RSPO2: variants seen among roughly 807,000 people sequenced by gnomAD.
The protein encoded by RSPO2 is R-spondin-2.
Under a neutral mutation model 30.9 loss-of-function variants are expected in RSPO2, and 14 were observed. The ratio of observed to expected loss-of-function variants is 0.45; its 90% CI spans 0.30 to 0.71. The LOEUF (loss-of-function observed/expected upper bound fraction) is 0.71. Ranked by LOEUF, RSPO2 falls within the 30% of genes least tolerant of loss-of-function variation. RSPO2 has a pLI of 0.08. For synonymous variants in RSPO2, 107 were observed against 96.4 expected, an observed-to-expected ratio of 1.11 and a Z score of -0.64; for missense variants, 264 against 301.9, an observed-to-expected ratio of 0.87 and a Z score of 0.93.
Position 107,998,079 on chromosome 8 carries a change from G to C in RSPO2, c.95-8835C>G, listed in dbSNP as rs190932963. ...ACTCTGTATTTGCTGGTCAAATAAT[G>C]TTGCAAGTTCAACAAATTTTTAAAT... is the stretch of plus-strand genomic sequence containing the variant. On this transcript the variant is annotated intron_variant, in intron 2 of 5. Coordinates refer to ENST00000276659, the MANE Select transcript of RSPO2 (RefSeq NM_178565.5). 1.3e-3 allele frequency among the ~76,000 whole-genome samples: 192 copies of C among 152,208 alleles called. 1 individual carries two copies. Among genetic ancestry groups the C allele is most frequent in the African/African-American group, 4.5e-3 (188 of 41,544 alleles).
intron 5 of RSPO2, among the ~76,000 whole-genome samples, chr8:107,901,706 G>A (rs887607773): frequency 6.6e-6 from 1 of 152,116 alleles, no homozygotes; most frequent in African/African-American, 2.4e-5. Context: ...TGACATATGT[G>A]CAATCCTTTA....
At chr8:108,064,248 A>G (rs2130710915) in intron 2 of RSPO2, among the ~76,000 whole-genome samples, 1 of 152,316 alleles carries the variant, frequency 6.6e-6, no homozygotes, top group Non-Finnish European at 1.5e-5. Flanking sequence ...CAGGCAACCT[A>G]CAGAATGGGA....
chr8:107,988,817 G>A (rs1255635753), intron 3 of RSPO2, among the ~76,000 whole-genome samples: 1 of 151,982 alleles, frequency 6.6e-6, no homozygotes, highest in Non-Finnish European at 1.5e-5. Flanking sequence ...TAGTAGAGAT[G>A]GGGTTTCCTC....
chr8:107,940,496 C>A (rs1425995187), intron 5 of RSPO2, among the ~76,000 whole-genome samples: 1 of 152,106 alleles, frequency 6.6e-6, no homozygotes, highest in Non-Finnish European at 1.5e-5. Context: ...GTTTAGGAGT[C>A]CCAAGAGATG....
At chr8:107,985,422 C>A (rs1563550984) in intron 3 of RSPO2, among the ~76,000 whole-genome samples, 1 of 152,046 alleles carries the variant, frequency 6.6e-6, no homozygotes, top group Non-Finnish European at 1.5e-5. Context: ...AGGCAATTAA[C>A]TATAGTATAA....
intron 2 of RSPO2, among the ~76,000 whole-genome samples, chr8:108,015,613 C>CA (rs952763367): frequency 6.6e-6 from 1 of 152,072 alleles, no homozygotes; most frequent in African/African-American, 2.4e-5. Flanking sequence ...GATATCTGAT[C>CA]AAATGCCTCA....
chr8:108,051,765 G>A (rs1812086376), intron 2 of RSPO2, among the ~76,000 whole-genome samples: 4 of 152,188 alleles, frequency 2.6e-5, no homozygotes, highest in Admixed American at 2.6e-4. Flanking sequence ...CATGATGAGA[G>A]CTGACTCCCA....
intron 2 of RSPO2, among the ~76,000 whole-genome samples, chr8:108,018,045 A>G (rs1342535355): frequency 6.6e-6 from 1 of 152,238 alleles, no homozygotes; most frequent in Non-Finnish European, 1.5e-5. Context: ...TGTTTGATGT[A>G]GAAAGAAAAT....
intron 3 of RSPO2, 95 bp from the exon 4 acceptor site, chr8:107,960,912 T>C (rs1353671426): frequency 2.3e-6 from 2 of 870,714 alleles, no homozygotes; most frequent in East Asian, 2.7e-5. Context: ...AGTTAGCCCA[T>C]TTGAAATTCT....
chr8:108,003,071 G>A (rs1423146135), intron 2 of RSPO2, among the ~76,000 whole-genome samples: 1 of 142,208 alleles, frequency 7.0e-6, no homozygotes, highest in Non-Finnish European at 1.5e-5. Flanking sequence ...TTTTTTTTGA[G>A]ACAGAGTTTC....
intron 2 of RSPO2, among the ~76,000 whole-genome samples, chr8:108,055,034 T>C (rs1050523616): frequency 6.6e-6 from 1 of 152,050 alleles, no homozygotes; most frequent in African/African-American, 2.4e-5. Flanking sequence ...GGTGGGAGGA[T>C]CGCTTGAGCC....
intron 5 of RSPO2, among the ~76,000 whole-genome samples, chr8:107,927,004 G>T (rs377612930): frequency 6.6e-6 from 1 of 152,012 alleles, no homozygotes; most frequent in African/African-American, 2.4e-5. Flanking sequence ...CCATTTTCAC[G>T]ATATTGATTC....
At chr8:108,061,893 G>A (rs191332087) in intron 2 of RSPO2, among the ~76,000 whole-genome samples, 8,269 of 151,646 alleles carry the variant, frequency 0.055, 851 homozygotes, top group African/African-American at 0.18. Context: ...ACTCAAAACC[G>A]CTCAACTACA....
chr8:107,986,100 A>G (rs775730017), intron 3 of RSPO2, among the ~76,000 whole-genome samples: 2 of 152,204 alleles, frequency 1.3e-5, no homozygotes, highest in Non-Finnish European at 2.9e-5. Flanking sequence ...AGAAAAGTGG[A>G]TATCATTTCA....
At chr8:108,053,803 T>C (rs1324233846) in intron 2 of RSPO2, among the ~76,000 whole-genome samples, 2 of 152,162 alleles carry the variant, frequency 1.3e-5, no homozygotes, top group African/African-American at 4.8e-5. Context: ...TTTCAAAACA[T>C]TACTGGCTAA....
rs560991082 is a variant in RSPO2 at position 108,071,052 on chromosome 8, C to T, written c.94+11493G>A. Among the ~76,000 whole-genome samples the T allele has an allele frequency of 5.3e-5, 8 of 152,246 alleles. No individual in the cohort carries two copies. In the East Asian group the frequency reaches 5.8e-4, roughly 11 times the overall value. On this transcript the variant is annotated intron_variant, in intron 2 of 5. Coordinates refer to ENST00000276659, the MANE Select transcript of RSPO2 (RefSeq NM_178565.5). ...CTCTGAATTCAACAACAACAAAAAA[C>T]GACTGCTTGATATGCAGAAGCTTGC...
At chr8:107,902,781 G>T (rs540200337) in intron 5 of RSPO2, among the ~76,000 whole-genome samples, 44 of 152,102 alleles carry the variant, frequency 2.9e-4, no homozygotes, top group Non-Finnish European at 5.3e-4. Context: ...AAGAAAAAAA[G>T]ATTTAAAAGA....
intron 5 of RSPO2, among the ~76,000 whole-genome samples, chr8:107,935,042 C>T (rs533193751): frequency 1.3e-5 from 2 of 152,270 alleles, no homozygotes; most frequent in Admixed American, 6.5e-5. Context: ...AGGATGGCTG[C>T]GATTTTCAGG....
At chr8:108,058,232 T>A (rs1411190962) in intron 2 of RSPO2, among the ~76,000 whole-genome samples, 2 of 152,200 alleles carry the variant, frequency 1.3e-5, no homozygotes, top group Non-Finnish European at 2.9e-5. Flanking sequence ...AAATCATGAG[T>A]GAACTCCCAT....
Sources: gnomAD v4.1 joint callset for allele counts (sites outside exome capture counted in the v4.1 genomes callset) on GRCh38, gnomAD v4.1.1 for gene constraint, MANE v1.5 for transcripts, NCBI Gene and HGNC (gene_info 2026-07-23, HGNC 2026-07-21) for gene names.